SBF1: variants seen among roughly 807,000 people sequenced by gnomAD.
The protein encoded by SBF1 is myotubularin-related protein 5.
In SBF1, 65 loss-of-function variants were observed where a neutral mutation model predicts 215.8. The observed-to-expected ratio is 0.30, with a 90% CI of 0.25 to 0.37. The LOEUF is 0.37. Among genes scored for constraint, SBF1 ranks in the 10% least tolerant of loss-of-function variants. The pLI is 1.00. For missense variants in SBF1, 2,634 were observed against 2,667.8 expected, an observed-to-expected ratio of 0.99 and a Z score of 0.28; for synonymous variants, 1,410 against 1,122.8, an observed-to-expected ratio of 1.26 and a Z score of -5.11.
chr22:50,460,818 G>A, intron 23 of SBF1, 106 bp from the exon 24 acceptor site: 1 of 1,267,270 alleles, frequency 7.9e-7, no homozygotes, highest in Non-Finnish European at 1.1e-6. Context: ...GACAGAGAGA[G>A]AAGCAGGCCC....
At position 50,459,973 on chromosome 22, in the gene SBF1, C is replaced by T. The variant is rs1159284251; in HGVS notation, c.3470G>A (p.Arg1157His). ...SEPFRISPVN[R>H]MYAICRSYPG... ...TCACCTGCGGCAGATGGCATACATG[C>T]GGTTGACCGGAGAAATGCGGAAGGG... Residue 1157 changes from arginine to histidine, a missense_variant, in exon 26 of 41, where the codon CGC (arginine) becomes CAC (histidine). Arg to His is a conservative substitution (Grantham distance 29). Transcript: ENST00000380817. 1.2e-6 allele frequency: 2 copies of T among 1,613,846 alleles called. No homozygotes were observed. Among genetic ancestry groups the T allele is most frequent in the East Asian group, 2.2e-5 (1 of 44,886 alleles).
chr22:50,474,611 C>G (rs1393116671), intron 1 of SBF1, among the ~76,000 whole-genome samples, 175 bp downstream of exon 1: 4 of 147,616 alleles, frequency 2.7e-5, no homozygotes, highest in Non-Finnish European at 6.0e-5. Context: ...CCCCGGCCCT[C>G]AGCGCCCAGC....
rs779067462 is a variant in SBF1 at position 50,461,531 on chromosome 22, T to C, written c.2831A>G (p.Asp944Gly). 2.5e-6 allele frequency: 4 copies of C among 1,597,712 alleles called. No individual in the cohort carries two copies. The Admixed American group carries it at 6.7e-5, about 27-fold the overall frequency. ...YRVIFTGMPT[D>G]PLVGEQVVVR... ...AGAGTCTGCAGGCTCACCCAGGGGG[T>C]CCGTGGGCATCCCCGTGAAGATGAC... is the stretch of plus-strand genomic sequence containing the variant. Residue 944 changes from aspartate (D) to glycine (G), a missense_variant, in exon 22 of 41, where the codon GAC becomes GGC. Coordinates refer to ENST00000380817, the MANE Select transcript of SBF1 (RefSeq NM_002972.4).
In SBF1 at chr22:50,466,264, C is replaced by G; in HGVS notation, c.789-6G>C. The stretch of plus-strand genomic sequence containing the variant: ...GGATGGGCACATAGGTGAAGCTGTG[C>G]AGGCCCCAGAGGATGCAGTGAGCCA... On this transcript the variant is annotated splice_polypyrimidine_tract_variant and splice_region_variant and intron_variant, in intron 7 of 40. Coordinates refer to ENST00000380817, the MANE Select transcript of SBF1 (RefSeq NM_002972.4). 1 of 1,613,420 alleles carries G rather than the reference C, an allele frequency of 6.2e-7. No individual in the cohort carries two copies. Among genetic ancestry groups the G allele is most frequent in the Non-Finnish European group, 8.5e-7 (1 of 1,179,982 alleles).
Position 50,468,417 on chromosome 22 carries a change from T to C in SBF1, c.100A>G (p.Lys34Glu). ...GGGAATGGGTTGTCCTCCCAGTCCT[T>C]CTCTGGGAAGCGCTGCAGAATCTGG... ...QGQILQRFPE[K>E]DWEDNPFPQG... The change falls in exon 2 of 41, where the codon AAG becomes GAG. Residue 34 changes from lysine to glutamate, a missense_variant. Physicochemically the swap from Lys to Glu is moderately conservative, Grantham distance 56. Coordinates refer to ENST00000380817, the MANE Select transcript of SBF1 (RefSeq NM_002972.4). The C allele has an allele frequency of 6.2e-7, 1 of 1,612,554 alleles. No homozygotes were observed. The highest frequency in any genetic ancestry group is 1.3e-5 in the African/African-American group (1 of 74,896).
intron 4 of SBF1, 38 bp from the exon 5 acceptor site, chr22:50,467,486 T>C (rs372868650): frequency 5.1e-5 from 82 of 1,613,936 alleles, no homozygotes; most frequent in Admixed American, 4.8e-4. Flanking sequence ...GGACAGCCGA[T>C]GGAAGCACCC....
intron 36 of SBF1, among the ~76,000 whole-genome samples, chr22:50,451,112 T>A (rs751533169): frequency 1.1e-4 from 16 of 143,184 alleles, no homozygotes; most frequent in Non-Finnish European, 1.8e-4. Context: ...AGAGGACTGC[T>A]TGAGCCCAGG....
At chr22:50,459,808 C>T in intron 26 of SBF1, 142 bp from the exon 27 acceptor site, 7 of 1,329,488 alleles carry the variant, frequency 5.3e-6, no homozygotes, top group Non-Finnish European at 7.2e-6. Context: ...CAGCCACCCC[C>T]CAGCCCTGTG....
chr22:50,448,704 C>T (rs990667270), intron 36 of SBF1, 54 bp from the exon 37 acceptor site: 2 of 1,396,476 alleles, frequency 1.4e-6, no homozygotes, highest in Non-Finnish European at 2.0e-6. Context: ...CAGACTAGAG[C>T]ACGAAAAGAC....
In SBF1 at chr22:50,445,597, C is replaced by T. The variant is rs1174879376; in HGVS notation, c.*1545G>A. ...AGACGTGGAACAGGGAGGGCAGGGTCCTTTCTCCCCTTACTCTGACCTGTG... is the reference window on the plus strand; with the variant it reads ...AGACGTGGAACAGGGAGGGCAGGGTTCTTTCTCCCCTTACTCTGACCTGTG... On this transcript the variant is annotated 3_prime_UTR_variant, in exon 41 of 41. Coordinates refer to ENST00000380817, the MANE Select transcript of SBF1 (RefSeq NM_002972.4). 1 of 152,354 alleles carries T rather than the reference C, an allele frequency of 6.6e-6. No homozygotes were observed. The highest frequency in any genetic ancestry group is 1.5e-5 in the Non-Finnish European group (1 of 68,120). 9.4% of individuals were successfully genotyped at this position (152,354 alleles called of 1,614,324 possible).
intron 18 of SBF1, 38 bp from the exon 19 acceptor site, chr22:50,462,511 G>GCCCCAGC (rs760000913): frequency 1.4e-5 from 22 of 1,610,756 alleles, no homozygotes; most frequent in African/African-American, 4.0e-5. Context: ...GGGCCACGCT[G>GCCCCAGC]CCCCAGCCCC....
chr22:50,455,824 C>G, intron 31 of SBF1: 1 of 544,382 alleles, frequency 1.8e-6, no homozygotes, highest in Non-Finnish European at 3.2e-6. Flanking sequence ...TGAGGGACGT[C>G]CCTGTCCCTC....
At chr22:50,461,402 G>C in intron 22 of SBF1, 116 bp from the exon 23 acceptor site, 1 of 1,498,278 alleles carries the variant, frequency 6.7e-7, no homozygotes, top group Non-Finnish European at 8.9e-7. Context: ...AGCAGACAAA[G>C]GCCCGTTTCC....
Position 50,456,539 on chromosome 22 carries a change from G to A in SBF1, c.4039C>T (p.Pro1347Ser). The change falls in exon 30 of 41, where the codon CCG becomes TCG. Residue 1347 changes from proline (P) to serine (S), a missense_variant. Transcript: ENST00000380817. ...AGGATATAGAGGGCTGCTCGCTGCG[G>A]ACGCAGGAAGCCCGGGTCGGGAGGG... ...GGPPDPGFLR[P>S]QRAALYILGD... 6.3e-7 allele frequency: 1 copy of A among 1,590,974 alleles called. No individual in the cohort carries two copies. Among genetic ancestry groups the A allele is most frequent in the Non-Finnish European group, 8.6e-7 (1 of 1,169,302 alleles).
intron 17 of SBF1, 48 bp downstream of exon 17, chr22:50,462,821 AC>A: frequency 6.2e-7 from 1 of 1,604,746 alleles, no homozygotes; most frequent in Middle Eastern, 1.7e-4. Flanking sequence ...GACCTCAGCC[AC>A]CAGGAAGGGG....
In SBF1 at chr22:50,448,423, CAAG is replaced by C. The variant is rs763677724; in HGVS notation, c.5170_5172del (p.Leu1724del). The C allele has an allele frequency of 2.5e-5, 41 of 1,613,758 alleles. No homozygotes were observed. Among genetic ancestry groups the C allele is most frequent in the South Asian group, 3.3e-5 (3 of 91,070 alleles). Reference sequence around the variant, plus strand: ...CGACGGTGGTGGGGTGCGGTGGACACAAGGAGGGAGCTAGGGGTGCCCTGGGAA... The same window carrying C: ...CGACGGTGGTGGGGTGCGGTGGACACGAGGGAGCTAGGGGTGCCCTGGGAA... On this transcript the variant is annotated inframe_deletion, in exon 38 of 41. Coordinates refer to ENST00000380817, the MANE Select transcript of SBF1 (RefSeq NM_002972.4).
At chr22:50,474,699 C>A in intron 1 of SBF1, 87 bp downstream of exon 1, 1 of 1,191,808 alleles carries the variant, frequency 8.4e-7, no homozygotes, top group African/African-American at 1.6e-5. Flanking sequence ...GCCCCCAGCC[C>A]CCGGCCCTCG....
rs2067452513 is a variant in SBF1, at chr22:50,460,348, A to C, written c.3207T>G (p.Thr1069=). 3 of 1,613,266 alleles carry C rather than the reference A, an allele frequency of 1.9e-6. No individual in the cohort carries two copies. Among genetic ancestry groups the C allele is most frequent in the Non-Finnish European group, 2.5e-6 (3 of 1,179,646 alleles). The part of the protein sequence containing the change: ...AKKTIGRQHV[T]RKKYNPPSWE... ...AGCTGGGGGGGTTGTACTTCTTGCG[A>C]GTGACATGCTGCCGCCCGATGGTCT... Residue 1069 remains threonine (T), a synonymous_variant, in exon 25 of 41, where the codon ACT becomes ACG. Coordinates refer to ENST00000380817, the MANE Select transcript of SBF1 (RefSeq NM_002972.4).
At position 50,466,684 on chromosome 22, in the gene SBF1, G is replaced by A; in HGVS notation, c.576C>T (p.Asp192=). ...SQRTISLGAG[D]RQVIQTPLAD... Reference sequence around the variant, plus strand: ...CCAGTGGAGTCTGGATGACCTGCCGGTCACCAGCCCCCAAAGAGATCGTCC... The same window carrying A: ...CCAGTGGAGTCTGGATGACCTGCCGATCACCAGCCCCCAAAGAGATCGTCC... Residue 192 remains aspartate (D), a synonymous_variant, in exon 6 of 41, where the codon GAC becomes GAT. Coordinates refer to ENST00000380817, the MANE Select transcript of SBF1 (RefSeq NM_002972.4). 6.5e-7 allele frequency: 1 copy of A among 1,545,460 alleles called. No homozygotes were observed. The highest frequency in any genetic ancestry group is 8.7e-7 in the Non-Finnish European group (1 of 1,143,164).
Sources: allele counts gnomAD v4.1 joint callset (sites outside exome capture counted in the v4.1 genomes callset), GRCh38; gene constraint gnomAD v4.1.1; transcripts MANE v1.5; gene names NCBI Gene and HGNC (gene_info 2026-07-23, HGNC 2026-07-21).